MOB1A: variants seen among roughly 807,000 people sequenced by gnomAD.
MOB1A encodes the protein MOB1 Mps One Binder homolog A.
A neutral mutation model predicts 25.1 loss-of-function variants in MOB1A; 10 were observed. The ratio of observed to expected loss-of-function variants is 0.40; its 90% confidence interval spans 0.25 to 0.68. The LOEUF (loss-of-function observed/expected upper bound fraction) is 0.68. Among genes scored for constraint, MOB1A ranks in the 30% least tolerant of loss-of-function variants. The pLI, the probability that MOB1A is intolerant of heterozygous loss-of-function variation, is 0.40. For missense variants in MOB1A, 177 were observed against 256.3 expected, an observed-to-expected ratio of 0.69 and a Z score of 2.11; for synonymous variants, 81 against 79.5, an observed-to-expected ratio of 1.02 and a Z score of -0.10.
At position 74,155,467 on chromosome 2, in the gene MOB1A, C is replaced by T. The variant is rs1692779695; in HGVS notation, c.*1101G>A. On this transcript the variant is annotated 3_prime_UTR_variant, in exon 6 of 6. Coordinates refer to ENST00000396049, the MANE Select transcript of MOB1A (RefSeq NM_018221.5). ...CTCACTCTCTCAAGAATAGGTAGCACACCAAAACTTTATCTGTGTTATAAG... is the reference window on the plus strand; with the variant it reads ...CTCACTCTCTCAAGAATAGGTAGCATACCAAAACTTTATCTGTGTTATAAG... 6.6e-6 allele frequency: 1 copy of T among 152,530 alleles called. No homozygotes were observed. The highest frequency in any genetic ancestry group is 1.5e-5 in the Non-Finnish European group (1 of 67,996). The allele number at this position is 152,530 out of a possible 1,614,324, so 9.4% of individuals were successfully genotyped here. A position where few individuals can be genotyped will look rare whatever the true frequency, so the allele number is the denominator to read the frequency against.
chr2:74,177,071 C>T (rs537144822), intron 1 of MOB1A, among the ~76,000 whole-genome samples: 1 of 152,190 alleles, frequency 6.6e-6, no homozygotes, highest in South Asian at 2.1e-4. Context: ...AAGAAAGTCT[C>T]GGCCGAGTGC....
intron 2 of MOB1A, among the ~76,000 whole-genome samples, chr2:74,168,374 A>C (rs965122839): frequency 1.3e-5 from 2 of 152,184 alleles, no homozygotes; most frequent in Non-Finnish European, 2.9e-5. Context: ...AGTTTCAAAA[A>C]ATGTTTTAGG....
Position 74,178,699 on chromosome 2 carries a change from G to C in MOB1A, c.-25C>G. 7.7e-7 allele frequency: 1 copy of C among 1,301,872 alleles called. No homozygotes were observed. The highest frequency in any genetic ancestry group is 9.9e-7 in the Non-Finnish European group (1 of 1,013,936). 80.6% of individuals were successfully genotyped at this position (1,301,872 alleles called of 1,614,324 possible). A position where few individuals can be genotyped will look rare whatever the true frequency, so the allele number is the denominator to read the frequency against. Reference sequence around the variant, plus strand: ...TCTTCGGTCCTCAGAGGGGAGGCGAGGGGCCCCTGGCCCCCGCCTGGATCA... The same window carrying C: ...TCTTCGGTCCTCAGAGGGGAGGCGACGGGCCCCTGGCCCCCGCCTGGATCA... On this transcript the variant is annotated 5_prime_UTR_variant, in exon 1 of 6. Transcript: ENST00000396049.
At chr2:74,176,659 G>T (rs535027483) in intron 1 of MOB1A, among the ~76,000 whole-genome samples, 2 of 151,844 alleles carry the variant, frequency 1.3e-5, no homozygotes, top group African/African-American at 4.8e-5. Flanking sequence ...AGCTACTTGG[G>T]AGACTGAGGC....
At chr2:74,173,966 A>AAAAG (rs1693377978) in intron 1 of MOB1A, among the ~76,000 whole-genome samples, 1 of 134,182 alleles carries the variant, frequency 7.5e-6, no homozygotes, top group Non-Finnish European at 1.6e-5. Context: ...AAAAAAAAAA[A>AAAAG]AAAGAAAATG....
intron 4 of MOB1A, chr2:74,164,458 C>A (rs1365768670): frequency 1.3e-5 from 2 of 149,964 alleles, no homozygotes; most frequent in Non-Finnish European, 2.9e-5. Context: ...GTGGAGATTG[C>A]AGTGAGCCAA....
At chr2:74,161,734 TTGCTTG>T (rs1438978433) in intron 4 of MOB1A, among the ~76,000 whole-genome samples, 2 of 151,082 alleles carry the variant, frequency 1.3e-5, no homozygotes, top group South Asian at 2.1e-4. Context: ...AGCAGAAAGG[TTGCTTG>T]GGCCTAGAAG....
chr2:74,164,876 T>G (rs73952065), intron 4 of MOB1A: 1,998 of 156,054 alleles, frequency 0.013, 34 homozygotes, highest in African/African-American at 0.046. Flanking sequence ...TAGAAAATAT[T>G]AAAAAATGAG....
At chr2:74,167,872 C>T (rs1406760333) in intron 2 of MOB1A, among the ~76,000 whole-genome samples, 3 of 152,172 alleles carry the variant, frequency 2.0e-5, no homozygotes, top group African/African-American at 7.2e-5. Context: ...CATGGTGGCT[C>T]ATGCCTGTAA....
At chr2:74,158,692 T>A (rs1692872829) in intron 5 of MOB1A, among the ~76,000 whole-genome samples, 1 of 148,320 alleles carries the variant, frequency 6.7e-6, no homozygotes, top group African/African-American at 2.5e-5. Context: ...GGCAGGAGAA[T>A]CACTTGAACC....
chr2:74,171,768 T>C (rs1693300704), intron 2 of MOB1A, among the ~76,000 whole-genome samples: 1 of 152,068 alleles, frequency 6.6e-6, no homozygotes, highest in Non-Finnish European at 1.5e-5. Context: ...CTGGGTGTGG[T>C]GGCGTGTGCC....
intron 5 of MOB1A, among the ~76,000 whole-genome samples, chr2:74,157,057 G>A (rs911679992): frequency 6.6e-6 from 1 of 151,038 alleles, no homozygotes; most frequent in Non-Finnish European, 1.5e-5. Flanking sequence ...AGAGTATCTT[G>A]TATGCTAATG....
rs766531438 is a variant in MOB1A, at chr2:74,172,634, C to T, written c.133G>A (p.Val45Ile). The T allele has an allele frequency of 1.2e-6, 2 of 1,613,930 alleles. No homozygotes were observed. Among genetic ancestry groups the T allele is most frequent in the Admixed American group, 3.3e-5 (2 of 60,014 alleles). Residue 45 changes from valine to isoleucine, a missense_variant, in exon 2 of 6, where the codon GTT becomes ATT. Transcript: ENST00000396049. Reference protein sequence around the residue: ...TLGSGNLRQAVMLPEGEDLNE... With the variant: ...TLGSGNLRQAIMLPEGEDLNE... The stretch of plus-strand genomic sequence containing the variant: ...AGATCCTCTCCCTCAGGCAACATAA[C>T]AGCTTGTCTCAGATTCCCACTTCCT...
rs1693543362 is a variant in MOB1A at position 74,178,497 on chromosome 2, C to T, written c.14+164G>A. Reference sequence around the variant, plus strand: ...TCGACCTTCATCTCTGTCGGCCTCTCCCAACATCTCGGCCTCCCCCGCGGA... The same window carrying T: ...TCGACCTTCATCTCTGTCGGCCTCTTCCAACATCTCGGCCTCCCCCGCGGA... On this transcript the variant is annotated intron_variant, in intron 1 of 5. Transcript: ENST00000396049. Among the ~76,000 whole-genome samples the T allele has an allele frequency of 4.6e-5, 7 of 152,302 alleles. No homozygotes were observed. In the South Asian group the frequency reaches 1.5e-3, roughly 32 times the overall value.
At chr2:74,160,562 G>T (rs13405518) in intron 4 of MOB1A, among the ~76,000 whole-genome samples, 1 of 152,164 alleles carries the variant, frequency 6.6e-6, no homozygotes, top group East Asian at 1.9e-4. Flanking sequence ...TTAGCCAGGG[G>T]TGGTGGCAGG....
chr2:74,174,132 G>A (rs1226334747), intron 1 of MOB1A, among the ~76,000 whole-genome samples: 1 of 150,884 alleles, frequency 6.6e-6, no homozygotes, highest in Non-Finnish European at 1.5e-5. Context: ...TTAGCTGGGC[G>A]TGGTGGCACA....
In MOB1A at chr2:74,178,650, AC is replaced by A. The variant is rs1266556092; in HGVS notation, c.14+10del. On this transcript the variant is annotated intron_variant, in intron 1 of 5. Coordinates refer to ENST00000396049, the MANE Select transcript of MOB1A (RefSeq NM_018221.5). ...CCGCAGGCCCGGCGCCCGCGGCCCG[AC>A]CCCACTCACAAGAGGAAGCTCATCT... 5 of 1,375,026 alleles carry A rather than the reference AC, an allele frequency of 3.6e-6. No homozygotes were observed. The highest frequency in any genetic ancestry group is 3.0e-5 in the East Asian group (1 of 33,544). 85.2% of individuals were successfully genotyped at this position (1,375,026 alleles called of 1,614,324 possible). A position where few individuals can be genotyped will look rare whatever the true frequency, so the allele number is the denominator to read the frequency against.
At chr2:74,171,206 C>T (rs954571396) in intron 2 of MOB1A, among the ~76,000 whole-genome samples, 17 of 151,432 alleles carry the variant, frequency 1.1e-4, no homozygotes, top group Admixed American at 5.3e-4. Flanking sequence ...TGCTTAAACC[C>T]GGGAGGTGGA....
rs542158538 is a variant in MOB1A, at chr2:74,178,691, G to A, written c.-17C>T. The A allele has an allele frequency of 3.3e-5, 44 of 1,318,372 alleles. No individual in the cohort carries two copies. The African/African-American group carries it at 6.1e-4, about 18-fold the overall frequency. The allele number at this position is 1,318,372 out of a possible 1,614,324, so 81.7% of individuals were successfully genotyped here. ...GAAGCTCATCTTCGGTCCTCAGAGG[G>A]GAGGCGAGGGGCCCCTGGCCCCCGC... On this transcript the variant is annotated 5_prime_UTR_variant, in exon 1 of 6. Coordinates refer to ENST00000396049, the MANE Select transcript of MOB1A (RefSeq NM_018221.5).
Sources: allele counts gnomAD v4.1 joint callset (sites outside exome capture counted in the v4.1 genomes callset), GRCh38; gene constraint gnomAD v4.1.1; transcripts MANE v1.5; gene names NCBI Gene and HGNC (gene_info 2026-07-23, HGNC 2026-07-21).